Variants in CNIH3 observed in about 807,000 individuals in gnomAD.
CNIH3 encodes protein cornichon homolog 3.
Under a neutral mutation model 24.1 loss-of-function variants are expected in CNIH3, and 14 were observed. The ratio of observed to expected loss-of-function variants is 0.58; its 90% CI spans 0.38 to 0.91. The LOEUF (loss-of-function observed/expected upper bound fraction) is 0.91, where lower values mean the gene tolerates loss of function less well. Among genes scored for constraint, CNIH3 ranks in the 40% least tolerant of loss-of-function variants. The pLI is 0.00. For synonymous variants in CNIH3, 68 were observed against 73.8 expected (o/e 0.92, Z 0.40); for missense variants, 178 against 196.8 (o/e 0.90, Z 0.57).
At chr1:224,648,872 A>G (rs1572655403) in intron 1 of CNIH3, among the ~76,000 whole-genome samples, 1 of 152,228 alleles carries the variant, frequency 6.6e-6, no homozygotes, top group East Asian at 1.9e-4. Flanking sequence ...ATGAGCTCCA[A>G]CTACCACTAC....
intron 1 of CNIH3, among the ~76,000 whole-genome samples, chr1:224,510,080 G>A (rs1055205893): frequency 6.6e-6 from 1 of 151,322 alleles, no homozygotes; most frequent in African/African-American, 2.4e-5. Flanking sequence ...CTCTACCGCT[G>A]GCCTGCACTT....
intron 2 of CNIH3, among the ~76,000 whole-genome samples, chr1:224,535,002 A>C (rs963813610): frequency 6.6e-6 from 1 of 152,160 alleles, no homozygotes; most frequent in African/African-American, 2.4e-5. Flanking sequence ...CTACCGGCCT[A>C]TATTTCCACA....
intron 4 of CNIH3, among the ~76,000 whole-genome samples, chr1:224,733,956 C>G (rs1689463872): frequency 6.6e-6 from 1 of 152,334 alleles, no homozygotes; most frequent in South Asian, 2.1e-4. Context: ...TTGAAGTACA[C>G]ACAGTTCGCG....
Position 224,684,745 on chromosome 1 carries a change from T to C in CNIH3, c.151-51T>C, listed in dbSNP as rs370255473. On this transcript the variant is annotated intron_variant, in intron 2 of 5. Transcript: ENST00000272133. This position sits in a 1 kb window ranked among gnomAD's most constrained non-coding sequence, Gnocchi z 4.2. Reference sequence around the variant, plus strand: ...ATTGCGGGGCCTTCTCATGCTATTTTAGCAGAACCCCTAACCTCCCCTCTC... The same window carrying C: ...ATTGCGGGGCCTTCTCATGCTATTTCAGCAGAACCCCTAACCTCCCCTCTC... 1 of 1,555,844 alleles carries C rather than the reference T, an allele frequency of 6.4e-7. No individual in the cohort carries two copies. Among genetic ancestry groups the C allele is most frequent in the Non-Finnish European group, 8.9e-7 (1 of 1,127,286 alleles).
At chr1:224,445,574 T>TAAAAAAAAAAAAAAAAAAAAAAAAAA in intron 1 of CNIH3, among the ~76,000 whole-genome samples, 1 of 90,422 alleles carries the variant, frequency 1.1e-5, no homozygotes, top group Non-Finnish European at 1.9e-5. Flanking sequence ...GGACTCTGCT[T>TAAAAAAAAAAAAAAAAAAAAAAAAAA]AAAAAAAAAA....
intron 3 of CNIH3, among the ~76,000 whole-genome samples, chr1:224,701,725 G>A (rs749281823): frequency 1.3e-5 from 2 of 152,142 alleles, no homozygotes; most frequent in Non-Finnish European, 1.5e-5. Context: ...TCTCACTCGC[G>A]ACAGCCCTGG....
At chr1:224,440,362 T>G (rs560289209) in intron 1 of CNIH3, among the ~76,000 whole-genome samples, 1 of 152,292 alleles carries the variant, frequency 6.6e-6, no homozygotes, top group African/African-American at 2.4e-5. Context: ...CTTGAGTAGC[T>G]GGAACTACAG....
At chr1:224,686,829 TA>T (rs1431678720) in intron 3 of CNIH3, among the ~76,000 whole-genome samples, 1 of 152,224 alleles carries the variant, frequency 6.6e-6, no homozygotes. Flanking sequence ...GGTATGAAAG[TA>T]AGCACACTAT....
chr1:224,625,840 GT>G (rs2125071029), intron 1 of CNIH3, among the ~76,000 whole-genome samples: 1 of 152,344 alleles, frequency 6.6e-6, no homozygotes, highest in South Asian at 2.1e-4. Flanking sequence ...AGAGGATGAT[GT>G]CGAGGCTGAT....
At chr1:224,629,710 T>C (rs1345928755) in intron 1 of CNIH3, among the ~76,000 whole-genome samples, 1 of 152,054 alleles carries the variant, frequency 6.6e-6, no homozygotes, top group Non-Finnish European at 1.5e-5. Flanking sequence ...TTTTTGTGGC[T>C]CCTGTGATAT....
intron 4 of CNIH3, 121 bp downstream of exon 4, chr1:224,730,695 G>T: frequency 1.6e-6 from 1 of 644,862 alleles, no homozygotes; most frequent in Non-Finnish European, 2.8e-6. Context: ...TCCTTTCTGG[G>T]TCTCTCTCTT....
chr1:224,528,496 T>A (rs191171444), intron 2 of CNIH3, among the ~76,000 whole-genome samples: 28 of 152,030 alleles, frequency 1.8e-4, no homozygotes, highest in Non-Finnish European at 2.8e-4. Context: ...ATTAAAAAAA[T>A]TTTTTTAGAG....
At chr1:224,470,627 A>G (rs1676333118) in intron 1 of CNIH3, among the ~76,000 whole-genome samples, 1 of 151,784 alleles carries the variant, frequency 6.6e-6, no homozygotes, top group Admixed American at 6.6e-5. Context: ...GCCCTCTTTC[A>G]GTTGTTATTG....
At chr1:224,560,973 C>G (rs551283707) in intron 3 of CNIH3, among the ~76,000 whole-genome samples, 3 of 152,038 alleles carry the variant, frequency 2.0e-5, no homozygotes, top group Admixed American at 2.0e-4. Context: ...GCATTTCCCT[C>G]GTGATTAATG....
intron 3 of CNIH3, among the ~76,000 whole-genome samples, chr1:224,709,079 C>G (rs1572775200): frequency 6.6e-6 from 1 of 152,348 alleles, no homozygotes; most frequent in Middle Eastern, 3.4e-3. Flanking sequence ...CCTCAGATCA[C>G]TTCCGTGACC....
rs1675758579 is a variant in CNIH3 at position 224,458,191 on chromosome 1, G to C, written n.203+23329G>C. On this transcript the variant is annotated intron_variant and non_coding_transcript_variant, in intron 1 of 5. Coordinates refer to the CNIH3 transcript ENST00000471578. The surrounding 1 kb of genome is among the most constrained non-coding windows in gnomAD (Gnocchi z 4.3). The stretch of plus-strand genomic sequence containing the variant: ...CACTCTGATCTCATTCACTGACAGT[G>C]GTGGGAGAGCCCAGAGCTGAGTAGA... 6.6e-6 allele frequency among the ~76,000 whole-genome samples: 1 copy of C among 152,330 alleles called. No homozygotes were observed.
intron 3 of CNIH3, among the ~76,000 whole-genome samples, chr1:224,602,794 C>T (rs946278149): frequency 6.6e-6 from 1 of 152,176 alleles, no homozygotes; most frequent in Non-Finnish European, 1.5e-5. Context: ...CTTTGAATCT[C>T]TAGAGGTGGC....
chr1:224,545,554 A>G (rs1342505156), intron 2 of CNIH3, among the ~76,000 whole-genome samples: 1 of 152,174 alleles, frequency 6.6e-6, no homozygotes, highest in Non-Finnish European at 1.5e-5. Context: ...TTCAGGTCAC[A>G]TTAAGCTTAG....
intron 3 of CNIH3, among the ~76,000 whole-genome samples, chr1:224,561,757 A>G (rs1680382981): frequency 1.3e-5 from 2 of 152,166 alleles, no homozygotes; most frequent in Non-Finnish European, 2.9e-5. Flanking sequence ...CTGCCCAAGT[A>G]TCTCCCCCAA....
Sources: gnomAD v4.1 joint callset for allele counts (sites outside exome capture counted in the v4.1 genomes callset) on GRCh38, gnomAD v4.1.1 for gene constraint, Gnocchi (gnomAD v3.1) non-coding constraint, MANE v1.5 for transcripts, NCBI Gene and HGNC (gene_info 2026-07-23, HGNC 2026-07-21) for gene names.